THAP2: variants seen among roughly 807,000 people sequenced by gnomAD.
THAP2 encodes the protein THAP domain-containing protein 2.
In THAP2, 16 loss-of-function variants were observed where a neutral mutation model predicts 18.8. The ratio of observed to expected loss-of-function variants is 0.85; its 90% CI spans 0.58 to 1.29. The LOEUF (loss-of-function observed/expected upper bound fraction) is 1.29, where lower values mean the gene tolerates loss of function less well. THAP2 is among the 50% of genes most tolerant of loss of function. The pLI, the probability that THAP2 is intolerant of heterozygous loss-of-function variation, is 0.00. For missense variants in THAP2, 251 were observed against 265.3 expected, an observed-to-expected ratio of 0.95 and a Z score of 0.38; for synonymous variants, 80 against 89.2, an observed-to-expected ratio of 0.90 and a Z score of 0.58.
intron 2 of THAP2, among the ~76,000 whole-genome samples, chr12:71,676,080 TTGA>T (rs1881514641): frequency 6.6e-6 from 1 of 152,030 alleles, no homozygotes; most frequent in African/African-American, 2.4e-5. Context: ...TTAATAGGAC[TTGA>T]TGACCATTTG....
chr12:71,664,495 G>T lies in THAP2; in HGVS notation c.-15G>T. On this transcript the variant is annotated 5_prime_UTR_variant, in exon 1 of 3. An upstream start codon of the reference 5' UTR is lost. Transcript: ENST00000308086. The stretch of plus-strand genomic sequence containing the variant: ...CAGTAGAGACCTAAGGGCGCTGAAT[G>T]AGTGGGAAAGGGAAATGCCGACCAA... 6.2e-7 allele frequency: 1 copy of T among 1,614,152 alleles called. No homozygotes were observed. Among genetic ancestry groups the T allele is most frequent in the South Asian group, 1.1e-5 (1 of 91,074 alleles).
chr12:71,676,012 GAAA>G (rs543642727), intron 2 of THAP2, among the ~76,000 whole-genome samples: 2 of 151,556 alleles, frequency 1.3e-5, no homozygotes, highest in East Asian at 3.9e-4. Context: ...ACAGAGAAAG[GAAA>G]AAAAAGAATG....
chr12:71,672,506 A>G (rs1881458074), intron 1 of THAP2, among the ~76,000 whole-genome samples: 1 of 152,146 alleles, frequency 6.6e-6, no homozygotes, highest in Non-Finnish European at 1.5e-5. Context: ...CCTGGAATAC[A>G]GGTATGGCTT....
Position 71,666,583 on chromosome 12 carries a change from T to C in THAP2, c.71+2003T>C, listed in dbSNP as rs1043024888. Among the ~76,000 whole-genome samples, 6 of 152,142 alleles carry C rather than the reference T, an allele frequency of 3.9e-5. No homozygotes were observed. In the South Asian group the frequency reaches 1.0e-3, roughly 26 times the overall value. ...TACAATAACATGCATAAAATTTGCC[T>C]ACTATGAATTTAACATTTTCATGTG... On this transcript the variant is annotated intron_variant, in intron 1 of 2. Coordinates refer to ENST00000308086, the MANE Select transcript of THAP2 (RefSeq NM_031435.4).
At chr12:71,675,659 C>A (rs1436110765) in intron 2 of THAP2, among the ~76,000 whole-genome samples, 1 of 152,026 alleles carries the variant, frequency 6.6e-6, no homozygotes, top group Non-Finnish European at 1.5e-5. Context: ...ATTAAAGACA[C>A]AGACTTATGA....
intron 1 of THAP2, among the ~76,000 whole-genome samples, chr12:71,669,649 GTAAA>G (rs942569269): frequency 6.6e-6 from 1 of 152,082 alleles, no homozygotes; most frequent in African/African-American, 2.4e-5. Flanking sequence ...ACTAGGCAGA[GTAAA>G]TAAGTTACAG....
At chr12:71,666,387 C>T (rs1230646933) in intron 1 of THAP2, among the ~76,000 whole-genome samples, 2 of 152,102 alleles carry the variant, frequency 1.3e-5, no homozygotes, top group East Asian at 3.9e-4. Flanking sequence ...GTGACGCATG[C>T]CTGTAGTCCC....
Position 71,677,094 on chromosome 12 carries a change from A to G in THAP2, c.673A>G (p.Ser225Gly), listed in dbSNP as rs1322650551. 2.5e-6 allele frequency: 4 copies of G among 1,584,350 alleles called. No individual in the cohort carries two copies. The East Asian group carries it at 9.0e-5, about 36-fold the overall frequency. The change falls in exon 3 of 3, where the codon AGT becomes GGT. Residue 225 changes from serine (S) to glycine (G), a missense_variant. Physicochemically the swap from Ser to Gly is moderately conservative, Grantham distance 56. Transcript: ENST00000308086. ...LLSLNLKQTK[S>G]TFI ...AAGTCTAAATCTAAAACAGACCAAG[A>G]GTACCTTCATTTAAATTTAGCTTGC...
chr12:71,677,867 A>G lies in THAP2; in HGVS notation c.*759A>G. On this transcript the variant is annotated 3_prime_UTR_variant, in exon 3 of 3. Coordinates refer to ENST00000308086, the MANE Select transcript of THAP2 (RefSeq NM_031435.4). ...AATGTATACTACTCTTTTTCTCATA[A>G]TAAAAATCTTACATTTCCAACTTCA... The G allele has an allele frequency of 6.6e-6, 1 of 152,184 alleles. No homozygotes were observed. The highest frequency in any genetic ancestry group is 1.9e-4 in the East Asian group (1 of 5,194). 9.4% of individuals were successfully genotyped at this position (152,184 alleles called of 1,614,324 possible).
rs1338410825 is a variant in THAP2 at position 71,678,753 on chromosome 12, CT to C, written c.*1646del. 1.3e-5 allele frequency: 2 copies of C among 152,116 alleles called. No individual in the cohort carries two copies. The highest frequency in any genetic ancestry group is 1.5e-5 in the Non-Finnish European group (1 of 68,012). 9.4% of individuals were successfully genotyped at this position (152,116 alleles called of 1,614,324 possible). On this transcript the variant is annotated 3_prime_UTR_variant, in exon 3 of 3. Coordinates refer to ENST00000308086, the MANE Select transcript of THAP2 (RefSeq NM_031435.4). ...TTTTACAGTATTAGCACTCTCTTTA[CT>C]AAGGAATGCCTCCCAAGGAAATGCA...
In THAP2 at chr12:71,678,514, T is replaced by C. The variant is rs1881554996; in HGVS notation, c.*1406T>C. The C allele has an allele frequency of 1.3e-5, 2 of 152,522 alleles. No individual in the cohort carries two copies. Among genetic ancestry groups the C allele is most frequent in the Non-Finnish European group, 2.9e-5 (2 of 68,044 alleles). The allele number at this position is 152,522 out of a possible 1,614,324, so 9.4% of individuals were successfully genotyped here. ...GAACCCTTTGCTTCAAACAGCTTTG[T>C]TGAAATCATGTAAAAATTTGTTAAT... On this transcript the variant is annotated 3_prime_UTR_variant, in exon 3 of 3. Coordinates refer to ENST00000308086, the MANE Select transcript of THAP2 (RefSeq NM_031435.4).
intron 2 of THAP2, among the ~76,000 whole-genome samples, chr12:71,675,952 CCA>C (rs777872707): frequency 4.6e-5 from 7 of 151,504 alleles, no homozygotes; most frequent in Non-Finnish European, 8.8e-5. Flanking sequence ...TGATACGGGC[CCA>C]GTGTAAGTAG....
intron 1 of THAP2, among the ~76,000 whole-genome samples, chr12:71,673,252 A>G (rs1001823196): frequency 6.6e-6 from 1 of 152,090 alleles, no homozygotes; most frequent in Non-Finnish European, 1.5e-5. Context: ...TGGTATCTAC[A>G]TATATTTTAT....
At chr12:71,666,612 C>A (rs1202574624) in intron 1 of THAP2, among the ~76,000 whole-genome samples, 1 of 152,026 alleles carries the variant, frequency 6.6e-6, no homozygotes, top group East Asian at 1.9e-4. Context: ...TCATGTGTAA[C>A]CTCAGAAATT....
intron 1 of THAP2, among the ~76,000 whole-genome samples, chr12:71,673,493 C>T (rs762351348): frequency 6.6e-6 from 1 of 152,100 alleles, no homozygotes; most frequent in Admixed American, 6.5e-5. Context: ...TGTAAGTTTA[C>T]TTTCTGCTGC....
At chr12:71,674,523 G>C in intron 2 of THAP2, 125 bp downstream of exon 2, 1 of 771,258 alleles carries the variant, frequency 1.3e-6, no homozygotes. Flanking sequence ...CCTTCCTCTT[G>C]TACAGTAAAG....
intron 1 of THAP2, among the ~76,000 whole-genome samples, chr12:71,667,143 A>T (rs1881357373): frequency 6.6e-6 from 1 of 152,194 alleles, no homozygotes; most frequent in African/African-American, 2.4e-5. Context: ...TAATCTTCTG[A>T]AATTGCTCTT....
intron 1 of THAP2, among the ~76,000 whole-genome samples, 194 bp from the exon 2 acceptor site, chr12:71,674,009 T>A (rs1174793053): frequency 6.6e-6 from 1 of 152,160 alleles, no homozygotes; most frequent in African/African-American, 2.4e-5. Context: ...TCAAGTCAGT[T>A]TTTGACTAAG....
chr12:71,664,400 TCTCACGATTAAGGC>T lies in THAP2; in HGVS notation c.-109_-96del. 2 of 1,348,802 alleles carry T rather than the reference TCTCACGATTAAGGC, an allele frequency of 1.5e-6. No homozygotes were observed. The highest frequency in any genetic ancestry group is 1.1e-6 in the Non-Finnish European group (1 of 943,572). 83.6% of individuals were successfully genotyped at this position (1,348,802 alleles called of 1,614,324 possible). ...TCCCACTCCGCTCTCACGACTAAGC[TCTCACGATTAAGGC>T]ACGCCTGCCTCGATTGTCCAGCCTC... On this transcript the variant is annotated 5_prime_UTR_variant, in exon 1 of 3. Transcript: ENST00000308086.
Sources: allele counts gnomAD v4.1 joint callset (sites outside exome capture counted in the v4.1 genomes callset), GRCh38; gene constraint gnomAD v4.1.1; transcripts MANE v1.5; gene names NCBI Gene and HGNC (gene_info 2026-07-23, HGNC 2026-07-21).